The following TRPM7 variants were observed in gnomAD, a reference collection of about 807,000 sequenced individuals.
The protein encoded by TRPM7 is LTRPC ion channel family member 7.
TRPM7 carries 134 observed loss-of-function variants against 229.7 expected under a neutral mutation model. The observed-to-expected ratio is 0.58, with a 90% confidence interval of 0.51 to 0.67. The LOEUF is 0.67. Among genes scored for constraint, TRPM7 ranks in the 30% least tolerant of loss-of-function variants. The pLI, the probability that TRPM7 is intolerant of heterozygous loss-of-function variation, is 0.00. For synonymous variants in TRPM7, 699 were observed against 715.2 expected, an observed-to-expected ratio of 0.98 and a Z score of 0.36; for missense variants, 1,901 against 2,210.0, an observed-to-expected ratio of 0.86 and a Z score of 2.80.
At chr15:50,650,889 G>GA (rs923849484) in intron 3 of TRPM7, among the ~76,000 whole-genome samples, 32 of 152,300 alleles carry the variant, frequency 2.1e-4, no homozygotes, top group African/African-American at 7.0e-4. Context: ...CAGCATGCAT[G>GA]AAAAATTCCC....
At chr15:50,620,913 C>T (rs2060378794) in intron 12 of TRPM7, among the ~76,000 whole-genome samples, 1 of 149,314 alleles carries the variant, frequency 6.7e-6, no homozygotes, top group South Asian at 2.2e-4. Flanking sequence ...GTCTCAGCAA[C>T]AAGAGTGAAA....
intron 22 of TRPM7, among the ~76,000 whole-genome samples, chr15:50,596,937 A>G (rs930726473): frequency 1.3e-5 from 2 of 152,218 alleles, no homozygotes; most frequent in African/African-American, 4.8e-5. Context: ...TTTAGTAGAG[A>G]CCGGATTTCA....
chr15:50,679,501 G>A (rs199912111), intron 1 of TRPM7, among the ~76,000 whole-genome samples: 2 of 84,626 alleles, frequency 2.4e-5, no homozygotes, highest in Non-Finnish European at 2.3e-5. Context: ...ATATATATGT[G>A]TATATATATA....
At chr15:50,627,022 T>C (rs913527075) in intron 11 of TRPM7, among the ~76,000 whole-genome samples, 2 of 152,210 alleles carry the variant, frequency 1.3e-5, no homozygotes, top group African/African-American at 4.8e-5. Context: ...ATTTACTATG[T>C]GGACAAAAAG....
chr15:50,581,045 A>C, intron 29 of TRPM7, 137 bp from the exon 30 acceptor site: 1 of 680,334 alleles, frequency 1.5e-6, no homozygotes, highest in Admixed American at 3.3e-5. Flanking sequence ...TTGTTTCATA[A>C]AACAATAAAT....
At chr15:50,656,798 A>C (rs1019628317) in intron 3 of TRPM7, among the ~76,000 whole-genome samples, 5 of 151,852 alleles carry the variant, frequency 3.3e-5, no homozygotes, top group African/African-American at 9.7e-5. Flanking sequence ...ATTACAATTT[A>C]CTCAGTTGCC....
Position 50,589,665 on chromosome 15 carries a change from GA to G in TRPM7, c.4325-10del. 4.5e-6 allele frequency: 7 copies of G among 1,564,904 alleles called. No individual in the cohort carries two copies. Among genetic ancestry groups the G allele is most frequent in the Non-Finnish European group, 5.2e-6 (6 of 1,153,544 alleles). On this transcript the variant is annotated splice_polypyrimidine_tract_variant and intron_variant, in intron 26 of 38. Coordinates refer to ENST00000646667, the MANE Select transcript of TRPM7 (RefSeq NM_017672.6). ...CATGCTATCTCTGTGTCCTTTAATA[GA>G]AAAAAAGATGTTGCAATGAGAAATT... is the stretch of plus-strand genomic sequence containing the variant.
rs890847635 is a variant in TRPM7 at position 50,560,895 on chromosome 15, C to T, written c.*783G>A. The T allele has an allele frequency of 1.3e-5, 2 of 152,586 alleles. No individual in the cohort carries two copies. Among genetic ancestry groups the T allele is most frequent in the Non-Finnish European group, 1.5e-5 (1 of 68,030 alleles). 9.5% of individuals were successfully genotyped at this position (152,586 alleles called of 1,614,324 possible). A position where few individuals can be genotyped will look rare whatever the true frequency, so the allele number is the denominator to read the frequency against. ...TAACTTTCCTCAAAAGGTAACTTCC[C>T]TTGACGAGTGAGTTAGGTTTCTGCT... On this transcript the variant is annotated 3_prime_UTR_variant, in exon 39 of 39. Transcript: ENST00000646667.
intron 31 of TRPM7, 63 bp from the exon 32 acceptor site, chr15:50,575,982 C>A: frequency 1.3e-6 from 2 of 1,494,436 alleles, no homozygotes; most frequent in Non-Finnish European, 1.8e-6. Flanking sequence ...AAATTTTAAC[C>A]CGGATAATCT....
At chr15:50,638,313 C>T (rs369847865) in intron 6 of TRPM7, among the ~76,000 whole-genome samples, 8 of 127,180 alleles carry the variant, frequency 6.3e-5, no homozygotes, top group East Asian at 2.6e-4. Context: ...GAGCCGAGAT[C>T]GCGCCACTGC....
At chr15:50,632,461 T>G (rs1265572893) in intron 9 of TRPM7, among the ~76,000 whole-genome samples, 3 of 152,180 alleles carry the variant, frequency 2.0e-5, no homozygotes, top group Non-Finnish European at 1.5e-5. Flanking sequence ...TGAAAACTTA[T>G]GCCCACATTT....
intron 27 of TRPM7, among the ~76,000 whole-genome samples, chr15:50,586,837 T>G (rs1203989048): frequency 3.3e-5 from 5 of 151,960 alleles, no homozygotes; most frequent in Admixed American, 1.3e-4. Context: ...GCCAACATGG[T>G]GAAACCCCAT....
chr15:50,619,465 G>T (rs554049466), intron 13 of TRPM7, among the ~76,000 whole-genome samples: 1 of 130,638 alleles, frequency 7.7e-6, no homozygotes, highest in East Asian at 2.5e-4. Context: ...CAAGCAATCT[G>T]CCAGCCTCAA....
chr15:50,631,455 T>C lies in TRPM7; in HGVS notation c.1166A>G (p.Gln389Arg). The C allele has an allele frequency of 6.2e-7, 1 of 1,610,692 alleles. No individual in the cohort carries two copies. The highest frequency in any genetic ancestry group is 8.5e-7 in the Non-Finnish European group (1 of 1,177,556). Residue 389 changes from glutamine to arginine, a missense_variant, in exon 10 of 39, where the codon CAA (glutamine) becomes CGA (arginine). Gln to Arg is a conservative substitution (Grantham distance 43). Coordinates refer to ENST00000646667, the MANE Select transcript of TRPM7 (RefSeq NM_017672.6). ...AGTAAGTATTGCTACATCTATATCT[T>C]GATGTTCATCTGACCCAATATGGAA... ...TVFHIGSDEH[Q>R]DIDVAILTAL...
chr15:50,635,018 G>C (rs957597446), intron 7 of TRPM7, among the ~76,000 whole-genome samples: 1 of 151,948 alleles, frequency 6.6e-6, no homozygotes, highest in Non-Finnish European at 1.5e-5. Context: ...CATTAAAATA[G>C]AAATTAATGA....
At chr15:50,617,393 C>A (rs1396181580) in intron 13 of TRPM7, among the ~76,000 whole-genome samples, 1 of 150,378 alleles carries the variant, frequency 6.6e-6, no homozygotes, top group Non-Finnish European at 1.5e-5. Context: ...ATCCCAGCTA[C>A]TCGGGAGGCT....
Position 50,686,697 on chromosome 15 carries a change from A to C in TRPM7, c.-164T>G, listed in dbSNP as rs528878770. 2.0e-5 allele frequency: 18 copies of C among 884,206 alleles called. No individual in the cohort carries two copies. In the African/African-American group the frequency reaches 3.0e-4, roughly 15 times the overall value. The allele number at this position is 884,206 out of a possible 1,614,324, so 54.8% of individuals were successfully genotyped here. On this transcript the variant is annotated 5_prime_UTR_variant, in exon 1 of 39. Coordinates refer to ENST00000646667, the MANE Select transcript of TRPM7 (RefSeq NM_017672.6). ...GAACTAACTCAGCTCCGGCGCTAGC[A>C]GCAGAAGCCGAGTCTTTCATAATTG... is the stretch of plus-strand genomic sequence containing the variant.
Position 50,574,430 on chromosome 15 carries a change from C to T in TRPM7, c.5152G>A (p.Ala1718Thr). The T allele has an allele frequency of 6.2e-7, 1 of 1,613,946 alleles. No individual in the cohort carries two copies. The highest frequency in any genetic ancestry group is 8.5e-7 in the Non-Finnish European group (1 of 1,179,992). ...TCTCCAGTCATACATTCTTCCACAG[C>T]AAACCACTGTCCTGCTGAATGGCAA... Reference protein sequence around the residue: ...LYCHSAGQWFAVEECMTGEFR... With the variant: ...LYCHSAGQWFTVEECMTGEFR... Residue 1718 changes from alanine (A) to threonine (T), a missense_variant, in exon 36 of 39, where the codon GCT (alanine) becomes ACT (threonine). Ala to Thr is a moderately conservative substitution (Grantham distance 58). Coordinates refer to ENST00000646667, the MANE Select transcript of TRPM7 (RefSeq NM_017672.6).
chr15:50,617,174 AT>A (rs1370466888), intron 13 of TRPM7, among the ~76,000 whole-genome samples: 2 of 150,284 alleles, frequency 1.3e-5, no homozygotes, highest in Non-Finnish European at 3.0e-5. Flanking sequence ...AAATAAATAA[AT>A]AAATAAAATA....
Sources: allele counts gnomAD v4.1 joint callset (sites outside exome capture counted in the v4.1 genomes callset), GRCh38; gene constraint gnomAD v4.1.1; transcripts MANE v1.5; gene names NCBI Gene and HGNC (gene_info 2026-07-23, HGNC 2026-07-21).